The following NPEPL1 variants were observed in gnomAD, a reference collection of about 807,000 sequenced individuals.
NPEPL1 encodes probable aminopeptidase NPEPL1.
A neutral mutation model predicts 52.4 loss-of-function variants in NPEPL1; 45 were observed. The observed-to-expected ratio is 0.86, with a 90% CI of 0.68 to 1.10. NPEPL1 has a LOEUF of 1.10. NPEPL1 is among the 50% of genes least tolerant of loss of function. The pLI, the probability that NPEPL1 is intolerant of heterozygous loss-of-function variation, is 0.00. For missense variants in NPEPL1, 696 were observed against 710.9 expected, an observed-to-expected ratio of 0.98 and a Z score of 0.24; for synonymous variants, 360 against 314.7, an observed-to-expected ratio of 1.14 and a Z score of -1.52.
rs112936556 is a variant in NPEPL1 at position 58,712,380 on chromosome 20, C to G, written c.901-99C>G. 753 of 761,194 alleles carry G rather than the reference C, an allele frequency of 9.9e-4. 4 individuals carry two copies. The African/African-American group carries it at 0.011, about 11-fold the overall frequency. The allele number at this position is 761,194 out of a possible 1,614,324, so 47.2% of individuals were successfully genotyped here. Reference sequence around the variant, plus strand: ...CCCTGCAACTTGGAGCCATCTCTCTCTCTCCTGCTGTCTGTGGGTCTGAGA... The same window carrying G: ...CCCTGCAACTTGGAGCCATCTCTCTGTCTCCTGCTGTCTGTGGGTCTGAGA... On this transcript the variant is annotated intron_variant, in intron 7 of 11. Coordinates refer to ENST00000356091, the MANE Select transcript of NPEPL1 (RefSeq NM_024663.4).
intron 7 of NPEPL1, 134 bp downstream of exon 7, chr20:58,707,334 C>G: frequency 1.2e-6 from 1 of 836,578 alleles, no homozygotes; most frequent in African/African-American, 1.7e-5. Context: ...CTTGTCCCCC[C>G]TCTGCCCCCA....
intron 3 of NPEPL1, 88 bp from the exon 4 acceptor site, chr20:58,698,596 C>T: frequency 9.5e-7 from 1 of 1,048,086 alleles, no homozygotes. Context: ...GTGATGTTTG[C>T]CTCTGCTGCC....
At chr20:58,707,618 C>G (rs1034485330) in intron 7 of NPEPL1, among the ~76,000 whole-genome samples, 1 of 152,050 alleles carries the variant, frequency 6.6e-6, no homozygotes, top group Non-Finnish European at 1.5e-5. Context: ...GTCACCACCT[C>G]CAACCCCCAG....
At chr20:58,691,079 T>G (rs1307014573), upstream of NPEPL1, 2 of 703,086 alleles carry the variant, frequency 2.8e-6, no homozygotes, top group East Asian at 5.4e-5. Flanking sequence ...TCTTCGCCTG[T>G]GGAAGTCCTA....
At chr20:58,700,061 T>G (rs1364146192) in intron 5 of NPEPL1, among the ~76,000 whole-genome samples, 2 of 152,170 alleles carry the variant, frequency 1.3e-5, no homozygotes, top group Non-Finnish European at 2.9e-5. Flanking sequence ...TGCTGGCAGG[T>G]CTCAGGGCCT....
chr20:58,691,712 T>TTC, upstream of NPEPL1: 10 of 692,990 alleles, frequency 1.4e-5, no homozygotes, highest in South Asian at 8.2e-5. Flanking sequence ...TTTTTTTTTT[T>TTC]TTCATTTTTA....
chr20:58,715,135 G>T, intron 11 of NPEPL1, 33 bp from the exon 12 acceptor site: 2 of 1,576,764 alleles, frequency 1.3e-6, no homozygotes, highest in Non-Finnish European at 8.6e-7. Flanking sequence ...GCAGCCCCAC[G>T]CCCAGAGTCT....
At position 58,699,241 on chromosome 20, in the gene NPEPL1, C is replaced by G. The variant is rs769815998; in HGVS notation, c.642C>G (p.Ile214Met). The G allele has an allele frequency of 6.2e-7, 1 of 1,607,180 alleles. No homozygotes were observed. Among genetic ancestry groups the G allele is most frequent in the Non-Finnish European group, 8.5e-7 (1 of 1,176,884 alleles). ...AGGAGCTGGGGATCATCCCAACCAT[C>G]ATCCGGGATGAGGAACTGAAGACGA... ...VGKELGIIPT[I>M]IRDEELKTRG... Residue 214 changes from isoleucine (I) to methionine (M), a missense_variant, in exon 5 of 12, where the codon ATC becomes ATG. Coordinates refer to ENST00000356091, the MANE Select transcript of NPEPL1 (RefSeq NM_024663.4).
chr20:58,710,278 G>A (rs1294466653), intron 7 of NPEPL1, among the ~76,000 whole-genome samples: 1 of 152,014 alleles, frequency 6.6e-6, no homozygotes. Flanking sequence ...CAAGTGATCC[G>A]CCCACCTCAG....
intron 7 of NPEPL1, among the ~76,000 whole-genome samples, chr20:58,709,853 G>T (rs2084801327): frequency 6.6e-6 from 1 of 152,180 alleles, no homozygotes; most frequent in Non-Finnish European, 1.5e-5. Context: ...AGCAGGCCAG[G>T]CTTGATGTGT....
intron 3 of NPEPL1, among the ~76,000 whole-genome samples, chr20:58,698,026 C>T (rs1226358773): frequency 6.6e-6 from 1 of 152,232 alleles, no homozygotes; most frequent in Non-Finnish European, 1.5e-5. Flanking sequence ...CAGAACCGTG[C>T]TGTGTCAAGT....
In NPEPL1 at chr20:58,694,526, GA is replaced by G. The variant is rs1214940385; in HGVS notation, c.442del (p.Thr148ArgfsTer24). 2 of 1,614,048 alleles carry G rather than the reference GA, an allele frequency of 1.2e-6. No individual in the cohort carries two copies. The highest frequency in any genetic ancestry group is 1.7e-6 in the Non-Finnish European group (2 of 1,179,890). ...GTGCCTCTCGGCGCTTGGAGAAGAAGACGGTCACCGTGGAGTTTTTCCTGGT... is the reference window on the plus strand; with the variant it reads ...GTGCCTCTCGGCGCTTGGAGAAGAAGCGGTCACCGTGGAGTTTTTCCTGGT... Reference protein sequence around the residue: ...SGASRRLEKKTVTVEFFLVGQ... With the variant: ...SGASRRLEKKXVTVEFFLVGQ... On this transcript the variant is annotated frameshift_variant, in exon 3 of 12. Coordinates refer to ENST00000356091, the MANE Select transcript of NPEPL1 (RefSeq NM_024663.4). LOFTEE classifies it high-confidence loss of function.
chr20:58,711,042 T>G (rs1455020743), intron 7 of NPEPL1: 1 of 142,168 alleles, frequency 7.0e-6, no homozygotes, highest in Admixed American at 6.9e-5. Flanking sequence ...AAAGCATCCA[T>G]TTGGGAATCC....
Position 58,713,088 on chromosome 20 carries a change from C to T in NPEPL1, c.1002-332C>T, listed in dbSNP as rs543217481. On this transcript the variant is annotated intron_variant, in intron 8 of 11. Coordinates refer to ENST00000356091, the MANE Select transcript of NPEPL1 (RefSeq NM_024663.4). The surrounding 1 kb of genome is among the most constrained non-coding windows in gnomAD (Gnocchi z 4.6). ...TCTCCTGCTCTTCCTCCCCATCTGC[C>T]GGGTGCCAGGCACAGTGTGCTGAAG... is the stretch of plus-strand genomic sequence containing the variant. The T allele has an allele frequency of 4.4e-5, 16 of 365,826 alleles. No individual in the cohort carries two copies. Among genetic ancestry groups the T allele is most frequent in the East Asian group, 2.3e-4 (4 of 17,144 alleles). The allele number at this position is 365,826 out of a possible 1,614,324, so 22.7% of individuals were successfully genotyped here.
intron 7 of NPEPL1, among the ~76,000 whole-genome samples, chr20:58,711,815 C>T (rs971030774): frequency 5.9e-5 from 9 of 152,200 alleles, no homozygotes; most frequent in Non-Finnish European, 1.0e-4. Context: ...GCTGTGTGTC[C>T]GCGCTCTCGA....
upstream of NPEPL1, chr20:58,691,038 T>C (rs2084334065): frequency 1.4e-6 from 1 of 700,030 alleles, no homozygotes; most frequent in Non-Finnish European, 2.6e-6. Context: ...TCCCAGGACT[T>C]CTCCCACGTG....
intron 3 of NPEPL1, among the ~76,000 whole-genome samples, chr20:58,695,039 GC>G (rs2084440513): frequency 1.4e-5 from 2 of 140,162 alleles, no homozygotes; most frequent in Non-Finnish European, 1.6e-5. Context: ...GGTATGTGTT[GC>G]TGTGTATGTT....
At chr20:58,714,375 G>A in intron 10 of NPEPL1, 185 bp from the exon 11 acceptor site, 2 of 601,320 alleles carry the variant, frequency 3.3e-6, no homozygotes, top group East Asian at 3.0e-5. Context: ...CTTGGCCTAT[G>A]GTGGGGGCAG....
At chr20:58,696,756 G>A (rs73124363) in intron 3 of NPEPL1, among the ~76,000 whole-genome samples, 8,683 of 152,338 alleles carry the variant, frequency 0.057, 257 homozygotes, top group Middle Eastern at 0.092. Context: ...GCTGTCAGCT[G>A]TCAGGCCCTG....
Sources: allele counts gnomAD v4.1 joint callset (sites outside exome capture counted in the v4.1 genomes callset), GRCh38; gene constraint gnomAD v4.1.1; non-coding constraint Gnocchi (gnomAD v3.1); transcripts MANE v1.5; gene names NCBI Gene and HGNC (gene_info 2026-07-23, HGNC 2026-07-21).